PDLIM1: variants seen among roughly 807,000 people sequenced by gnomAD.
PDLIM1 encodes PDZ and LIM domain protein 1.
In PDLIM1, 25 loss-of-function variants were observed where a neutral mutation model predicts 35.2. That is an observed-to-expected ratio of 0.71 (90% CI 0.52 to 0.99). The LOEUF (loss-of-function observed/expected upper bound fraction) is 0.99. PDLIM1 is among the 50% of genes least tolerant of loss of function. PDLIM1 has a pLI of 0.00. For synonymous variants in PDLIM1, 152 were observed against 154.0 expected, an observed-to-expected ratio of 0.99 and a Z score of 0.10; for missense variants, 363 against 415.3, an observed-to-expected ratio of 0.87 and a Z score of 1.09.
chr10:95,273,128 CACA>C (rs1564604616), intron 1 of PDLIM1: 1 of 152,096 alleles, frequency 6.6e-6, no homozygotes, highest in Admixed American at 6.6e-5. Flanking sequence ...AGGGTAAGTT[CACA>C]ACTTTTTTTT....
At chr10:95,241,833 C>T (rs936950688) in intron 5 of PDLIM1, among the ~76,000 whole-genome samples, 6 of 152,216 alleles carry the variant, frequency 3.9e-5, no homozygotes, top group African/African-American at 1.4e-4. Flanking sequence ...CTGGTCCAGC[C>T]CTGCCAAGCC....
At position 95,290,879 on chromosome 10, in the gene PDLIM1, GC is replaced by G. The variant is rs1244397861; in HGVS notation, c.36del (p.Pro13ArgfsTer29). On this transcript the variant is annotated frameshift_variant, in exon 1 of 7. Transcript: ENST00000329399. LOFTEE classifies it high-confidence loss of function. This position sits in a 1 kb window ranked among gnomAD's most constrained non-coding sequence, Gnocchi z 4.7. ...TTQQIDLQGP[G>X]PWGFRLVGGK... ...CCGCCCACGAGGCGGAAGCCCCACG[GC>G]CCCGGGCCCTGGAGGTCTATCTGCT... The G allele has an allele frequency of 2.6e-6, 4 of 1,563,196 alleles. No homozygotes were observed. Among genetic ancestry groups the G allele is most frequent in the East Asian group, 2.6e-5 (1 of 38,982 alleles).
intron 5 of PDLIM1, among the ~76,000 whole-genome samples, chr10:95,244,832 G>A (rs1355494044): frequency 2.0e-5 from 3 of 152,058 alleles, no homozygotes; most frequent in East Asian, 3.9e-4. Context: ...CCTGAGAAGC[G>A]GAGGTAGCAG....
intron 1 of PDLIM1, among the ~76,000 whole-genome samples, chr10:95,285,145 T>C (rs1479320808): frequency 1.3e-5 from 2 of 152,210 alleles, no homozygotes; most frequent in African/African-American, 2.4e-5. Context: ...CTGCTCTTGT[T>C]CTTCACTGTC....
At chr10:95,266,016 T>A (rs1433483077) in intron 3 of PDLIM1, among the ~76,000 whole-genome samples, 1 of 152,020 alleles carries the variant, frequency 6.6e-6, no homozygotes, top group Non-Finnish European at 1.5e-5. Context: ...CTGGCCAACA[T>A]GGTGAAACCT....
rs1371536710 is a variant in PDLIM1, at chr10:95,257,034, G to GAAAA, written c.533+6829_533+6830insTTTT. Among the ~76,000 whole-genome samples, 434 of 103,820 alleles carry GAAAA rather than the reference G, an allele frequency of 4.2e-3. 3 individuals carry two copies. Among genetic ancestry groups the GAAAA allele is most frequent in the African/African-American group, 0.013 (367 of 28,016 alleles). 68.1% of individuals were successfully genotyped at this position (103,820 alleles called of 152,430 possible). On this transcript the variant is annotated intron_variant, in intron 4 of 6. Coordinates refer to ENST00000329399, the MANE Select transcript of PDLIM1 (RefSeq NM_020992.4). ...AGAAAGAAAGAAAGAAAGAAAGAAA[G>GAAAA]AAAGAATTCAAAATAGATTAAAGAC...
At chr10:95,256,677 A>G (rs2035312982) in intron 4 of PDLIM1, among the ~76,000 whole-genome samples, 1 of 152,158 alleles carries the variant, frequency 6.6e-6, no homozygotes, top group Non-Finnish European at 1.5e-5. Flanking sequence ...AACACCACAT[A>G]AAAAAATAAT....
chr10:95,256,264 G>C (rs568166602), intron 4 of PDLIM1, among the ~76,000 whole-genome samples: 1 of 152,220 alleles, frequency 6.6e-6, no homozygotes, highest in East Asian at 1.9e-4. Context: ...TAAAATATCT[G>C]TACTACCCAA....
intron 5 of PDLIM1, among the ~76,000 whole-genome samples, chr10:95,242,023 T>A (rs2035182505): frequency 6.6e-6 from 1 of 152,172 alleles, no homozygotes; most frequent in African/African-American, 2.4e-5. Flanking sequence ...AGACTTAGGC[T>A]TCCCCCCTCA....
chr10:95,260,855 A>G (rs7101278), intron 4 of PDLIM1, among the ~76,000 whole-genome samples: 97,100 of 152,084 alleles, frequency 0.64, 32,017 homozygotes, highest in Non-Finnish European at 0.7. Flanking sequence ...CAAAGTTACC[A>G]GGTGACTGCT....
intron 2 of PDLIM1, among the ~76,000 whole-genome samples, chr10:95,269,784 T>G (rs1454518721): frequency 6.6e-6 from 1 of 152,004 alleles, no homozygotes; most frequent in Non-Finnish European, 1.5e-5. Context: ...CAGGCTGGAG[T>G]GCAATGAATG....
intron 5 of PDLIM1, among the ~76,000 whole-genome samples, chr10:95,244,494 C>T (rs969264064): frequency 1.3e-5 from 2 of 152,216 alleles, no homozygotes; most frequent in Non-Finnish European, 2.9e-5. Context: ...GATGCCAGTG[C>T]TCTTTCTGCC....
chr10:95,261,813 A>T (rs940486290), intron 4 of PDLIM1, among the ~76,000 whole-genome samples: 12 of 152,286 alleles, frequency 7.9e-5, no homozygotes, highest in Admixed American at 2.0e-4. Flanking sequence ...GTTTGAGACC[A>T]GCCTGATCAA....
intron 2 of PDLIM1, among the ~76,000 whole-genome samples, chr10:95,271,043 C>T (rs941889291): frequency 6.6e-5 from 10 of 151,890 alleles, no homozygotes; most frequent in African/African-American, 2.4e-4. Flanking sequence ...AGCCACCGCA[C>T]CTGGCCAGGA....
intron 1 of PDLIM1, among the ~76,000 whole-genome samples, chr10:95,289,699 C>T (rs1180969575): frequency 1.3e-5 from 2 of 152,192 alleles, no homozygotes; most frequent in Non-Finnish European, 2.9e-5. Context: ...CCCCCAACCC[C>T]AAGTGAAAAA....
intron 3 of PDLIM1, among the ~76,000 whole-genome samples, chr10:95,268,322 G>A (rs907561236): frequency 3.2e-4 from 48 of 152,178 alleles, no homozygotes; most frequent in African/African-American, 1.2e-3. Flanking sequence ...ATGGCTCATG[G>A]AAACCAGACA....
chr10:95,282,338 T>C (rs2035567896), intron 1 of PDLIM1, among the ~76,000 whole-genome samples: 1 of 152,230 alleles, frequency 6.6e-6, no homozygotes, highest in African/African-American at 2.4e-5. Flanking sequence ...AGCCATATTA[T>C]GGCTGCAGAA....
intron 1 of PDLIM1, among the ~76,000 whole-genome samples, chr10:95,276,203 C>G (rs1670323083): frequency 1.3e-5 from 2 of 152,174 alleles, no homozygotes; most frequent in South Asian, 4.1e-4. Flanking sequence ...CAGCTAAAGG[C>G]TGAGCCTGAA....
intron 4 of PDLIM1, among the ~76,000 whole-genome samples, chr10:95,251,625 T>C (rs997994237): frequency 6.6e-6 from 1 of 152,184 alleles, no homozygotes; most frequent in Non-Finnish European, 1.5e-5. Flanking sequence ...ACTACCTGTA[T>C]GTGAGATAAA....
Sources: allele counts gnomAD v4.1 joint callset (sites outside exome capture counted in the v4.1 genomes callset), GRCh38; gene constraint gnomAD v4.1.1; non-coding constraint Gnocchi (gnomAD v3.1); transcripts MANE v1.5; gene names NCBI Gene and HGNC (gene_info 2026-07-23, HGNC 2026-07-21).